TOP6BL: variants seen among roughly 807,000 people sequenced by gnomAD.
TOP6BL encodes TOP6B like initiator of meiotic double strand breaks.
At chr11:66,796,785 G>GAA in the TOP6BL span, among the ~76,000 whole-genome samples, 14 of 95,428 alleles carry the variant, frequency 1.5e-4, no homozygotes, top group African/African-American at 3.7e-4. Flanking sequence ...CCTGTCTTTG[G>GAA]AAAAAAAAAA....
At chr11:66,800,759 T>A in the TOP6BL span, 20 of 1,378,108 alleles carry the variant, frequency 1.5e-5, no homozygotes, top group Non-Finnish European at 1.9e-5. Flanking sequence ...TCAGCTATTA[T>A]TGTCCTATTT....
the TOP6BL span, among the ~76,000 whole-genome samples, chr11:66,752,749 G>A: frequency 0.013 from 1,904 of 152,024 alleles, 24 homozygotes; most frequent in Non-Finnish European, 0.018. Context: ...CACCGTTCCC[G>A]GCCTCTCTGT....
chr11:66,821,688 A>G, the TOP6BL span: 2 of 1,612,410 alleles, frequency 1.2e-6, no homozygotes, highest in Non-Finnish European at 1.7e-6. Context: ...ATCCTTGTGG[A>G]GAGCCACAGT....
chr11:66,839,535 C>T, the TOP6BL span, among the ~76,000 whole-genome samples: 1 of 152,174 alleles, frequency 6.6e-6, no homozygotes, highest in African/African-American at 2.4e-5. Context: ...ATCCCTCTTT[C>T]TAGGGTCACA....
the TOP6BL span, among the ~76,000 whole-genome samples, chr11:66,832,335 C>T: frequency 6.6e-6 from 1 of 152,142 alleles, no homozygotes; most frequent in South Asian, 2.1e-4. Flanking sequence ...CTCCTGACCT[C>T]GTGATCCTCC....
At chr11:66,801,321 C>T in the TOP6BL span, among the ~76,000 whole-genome samples, 1 of 152,156 alleles carries the variant, frequency 6.6e-6, no homozygotes, top group Non-Finnish European at 1.5e-5. Flanking sequence ...AAGACATGTG[C>T]CTTCTTCTCT....
chr11:66,821,794 C>G, the TOP6BL span: 3 of 1,608,092 alleles, frequency 1.9e-6, no homozygotes, highest in African/African-American at 4.0e-5. Context: ...CTCTTTTCTC[C>G]TATTCTCTAA....
the TOP6BL span, among the ~76,000 whole-genome samples, chr11:66,830,974 C>T: frequency 2.0e-4 from 31 of 151,886 alleles, no homozygotes; most frequent in Non-Finnish European, 4.3e-4. Context: ...ACACACTTCA[C>T]GAAAGAAGCT....
chr11:66,790,359 G>A, the TOP6BL span, among the ~76,000 whole-genome samples: 1 of 152,162 alleles, frequency 6.6e-6, no homozygotes, highest in Non-Finnish European at 1.5e-5. Flanking sequence ...AATACGGTGT[G>A]ATTCCCAGGA....
the TOP6BL span, among the ~76,000 whole-genome samples, chr11:66,835,749 C>T: frequency 6.6e-6 from 1 of 152,210 alleles, no homozygotes; most frequent in Non-Finnish European, 1.5e-5. Context: ...TTCATCCATT[C>T]TTTATGGCTG....
the TOP6BL span, among the ~76,000 whole-genome samples, chr11:66,814,931 T>C: frequency 6.6e-5 from 10 of 152,176 alleles, 1 homozygote; most frequent in Admixed American, 2.0e-4. Flanking sequence ...AACTGGGAAA[T>C]TGGAGTATGC....
the TOP6BL span, chr11:66,761,644 G>C: frequency 5.9e-6 from 7 of 1,189,558 alleles, no homozygotes; most frequent in Non-Finnish European, 8.3e-6. Flanking sequence ...CCGGGGCTGT[G>C]CGAAGCTCCA....
chr11:66,826,139 T>C, the TOP6BL span, among the ~76,000 whole-genome samples: 2 of 152,220 alleles, frequency 1.3e-5, no homozygotes, highest in East Asian at 3.9e-4. Flanking sequence ...CACCACGCCC[T>C]GGCCTGCTTC....
the TOP6BL span, among the ~76,000 whole-genome samples, chr11:66,840,820 A>G: frequency 1.5e-3 from 221 of 151,998 alleles, no homozygotes; most frequent in African/African-American, 4.8e-3. Context: ...CTCTTCATCT[A>G]CTTTCCTCTG....
the TOP6BL span, among the ~76,000 whole-genome samples, chr11:66,773,707 C>T: frequency 2.1e-4 from 32 of 152,068 alleles, no homozygotes; most frequent in Non-Finnish European, 3.4e-4. Context: ...GACAGTTCTA[C>T]GCTAAAGTCA....
the TOP6BL span, among the ~76,000 whole-genome samples, chr11:66,777,708 GGTGAAACCCCGTCTCTACTAA>G: frequency 1.3e-5 from 2 of 151,960 alleles, no homozygotes; most frequent in East Asian, 3.9e-4. Context: ...CTGCTAACAT[GGTGAAACCCCGTCTCTACTAA>G]AAATACAAAA....
the TOP6BL span, among the ~76,000 whole-genome samples, chr11:66,818,516 T>C: frequency 6.6e-6 from 1 of 152,162 alleles, no homozygotes; most frequent in Non-Finnish European, 1.5e-5. Context: ...CAGAGGTTGG[T>C]AAGAGCAGCA....
chr11:66,842,904 G>A, the TOP6BL span: 18 of 1,572,336 alleles, frequency 1.1e-5, no homozygotes, highest in Admixed American at 1.5e-4. Flanking sequence ...CCCGCATAGA[G>A]GAGATGCGAG....
chr11:66,801,016 T>A, the TOP6BL span: 16 of 1,612,636 alleles, frequency 9.9e-6, no homozygotes, highest in East Asian at 3.3e-4. Flanking sequence ...GGCTTAGCTT[T>A]GCTTTGCTTT....
Sources: allele counts gnomAD v4.1 joint callset (sites outside exome capture counted in the v4.1 genomes callset), GRCh38; gene constraint gnomAD v4.1.1; transcripts MANE v1.5; gene names NCBI Gene and HGNC (gene_info 2026-07-23, HGNC 2026-07-21).